Variants in MEAK7 observed in about 807,000 individuals in gnomAD.
The protein encoded by MEAK7 is MTOR associated protein MEAK7.
Under a neutral mutation model 40.5 loss-of-function variants are expected in MEAK7, and 68 were observed. The ratio of observed to expected loss-of-function variants is 1.68; its 90% confidence interval spans 1.38 to 2.06. MEAK7 has a LOEUF of 2.06. MEAK7 is among the 30% of genes most tolerant of loss of function. The pLI is 0.00. For missense variants in MEAK7, 918 were observed against 580.5 expected (o/e 1.58, Z -5.98); for synonymous variants, 338 against 231.9 (o/e 1.46, Z -4.16).
At chr16:84,482,844 G>C (rs1439208709) in intron 5 of MEAK7, 134 bp from the exon 6 acceptor site, 6 of 1,391,982 alleles carry the variant, frequency 4.3e-6, no homozygotes, top group African/African-American at 1.4e-5. Context: ...GGTGTCGGCA[G>C]ATCAGGGTTT....
intron 6 of MEAK7, among the ~76,000 whole-genome samples, chr16:84,481,209 G>A (rs1296793887): frequency 1.3e-5 from 2 of 152,208 alleles, no homozygotes; most frequent in African/African-American, 2.4e-5. Context: ...AGACCCGGAG[G>A]CGGATGCGAA....
intron 5 of MEAK7, 125 bp downstream of exon 5, chr16:84,486,506 C>G (rs1400894637): frequency 1.9e-5 from 27 of 1,452,580 alleles, no homozygotes; most frequent in Admixed American, 1.4e-4. Context: ...ATCGCCCCGA[C>G]TGCGTCTAGA....
intron 3 of MEAK7, 126 bp downstream of exon 3, chr16:84,495,557 A>T: frequency 1.2e-6 from 1 of 847,714 alleles, no homozygotes; most frequent in Non-Finnish European, 1.9e-6. Context: ...AACTCCGATT[A>T]ATTGAAACCC....
rs751666054 is a variant in MEAK7, at chr16:84,487,014, TCA to T, written c.573_574del (p.Cys191Ter). The T allele has an allele frequency of 1.9e-6, 3 of 1,613,878 alleles. No individual in the cohort carries two copies. Among genetic ancestry groups the T allele is most frequent in the Non-Finnish European group, 8.5e-7 (1 of 1,179,962 alleles). On this transcript the variant is annotated stop_gained and frameshift_variant, in exon 5 of 8. Transcript: ENST00000343629. LOFTEE classifies it high-confidence loss of function. ...CACCCAGTCCTCGATCACAGCTCGGTCACAGTCATAGTCCAGCCACTGGGGCC... is the reference window on the plus strand; with the variant it reads ...CACCCAGTCCTCGATCACAGCTCGGTCAGTCATAGTCCAGCCACTGGGGCC...
intron 2 of MEAK7, chr16:84,497,528 G>T: frequency 7.7e-7 from 1 of 1,291,058 alleles, no homozygotes; most frequent in South Asian, 1.2e-5. Context: ...AGGGCAGTCA[G>T]GAGGGACGTG....
Position 84,498,033 on chromosome 16 carries a change from A to G in MEAK7, c.54T>C (p.Pro18=). The change falls in exon 2 of 8, where the codon CCT becomes CCC. Residue 18 remains proline, a synonymous_variant. Transcript: ENST00000343629. The stretch of plus-strand genomic sequence containing the variant: ...ATTGATCAATCTCTGCCTGTTCCTC[A>G]GGAAGAAACTGTGAACAAAAGCTCC... The part of the protein sequence containing the change: ...VGRSFCSQFL[P]EEQAEIDQLF... The G allele has an allele frequency of 6.2e-7, 1 of 1,614,200 alleles. No homozygotes were observed. The highest frequency in any genetic ancestry group is 8.5e-7 in the Non-Finnish European group (1 of 1,180,032).
intron 5 of MEAK7, 129 bp downstream of exon 5, chr16:84,486,502 C>T: frequency 2.8e-6 from 4 of 1,446,122 alleles, no homozygotes; most frequent in Non-Finnish European, 3.6e-6. Context: ...TCCTATCGCC[C>T]CGACTGCGTC....
intron 5 of MEAK7, 61 bp from the exon 6 acceptor site, chr16:84,482,771 G>A (rs1461108744): frequency 6.9e-6 from 11 of 1,599,086 alleles, no homozygotes; most frequent in Non-Finnish European, 8.5e-6. Flanking sequence ...CCACAGGGCC[G>A]GAAATGCCGG....
At position 84,486,823 on chromosome 16, in the gene MEAK7, C is replaced by A. The variant is rs569045588; in HGVS notation, c.766G>T (p.Ala256Ser). The A allele has an allele frequency of 2.9e-5, 47 of 1,614,002 alleles. No homozygotes were observed. The Middle Eastern group carries it at 4.9e-4, about 17-fold the overall frequency. ...LDVLSVMYIN[A>S]QLPREQRHRW... ...TGCCGCTGCTCCCGAGGCAGCTGGG[C>A]GTTGATGTACATGACAGAGAGGACA... Residue 256 changes from alanine to serine, a missense_variant, in exon 5 of 8, where the codon GCC becomes TCC. Physicochemically the swap from Ala to Ser is moderately conservative, Grantham distance 99 (BLOSUM62 1). Coordinates refer to ENST00000343629, the MANE Select transcript of MEAK7 (RefSeq NM_020947.4).
chr16:84,480,482 C>A (rs770419170), intron 7 of MEAK7, 47 bp downstream of exon 7: 1 of 1,529,734 alleles, frequency 6.5e-7, no homozygotes, highest in Non-Finnish European at 8.8e-7. Flanking sequence ...AGAAAGGCCC[C>A]CAGGCTCAAG....
At chr16:84,496,588 C>T (rs1302225153) in intron 2 of MEAK7, among the ~76,000 whole-genome samples, 1 of 152,174 alleles carries the variant, frequency 6.6e-6, no homozygotes, top group East Asian at 1.9e-4. Flanking sequence ...TGAGCCGTAT[C>T]AGTAGTATCA....
intron 1 of MEAK7, chr16:84,504,010 C>T (rs13338047): frequency 0.13 from 123,229 of 985,440 alleles, 8,374 homozygotes; most frequent in African/African-American, 0.25. Context: ...CTTCGAAGTC[C>T]TGTCTGTGTC....
intron 5 of MEAK7, 26 bp downstream of exon 5, chr16:84,486,605 T>C: frequency 6.4e-7 from 1 of 1,568,382 alleles, no homozygotes; most frequent in African/African-American, 1.4e-5. Flanking sequence ...GTGCCACTCG[T>C]CAAGGTTCAG....
At chr16:84,503,844 TCAGAGCTTCTC>T (rs1306002055) in intron 1 of MEAK7, 1 of 803,994 alleles carries the variant, frequency 1.2e-6, no homozygotes, top group East Asian at 1.3e-4. Flanking sequence ...CACCTCCTGC[TCAGAGCTTCTC>T]CAACAGGCTG....
At position 84,476,512 on chromosome 16, in the gene MEAK7, G is replaced by A. The variant is rs1263469581; in HGVS notation, c.*3401C>T. ...CTCAATCCAACAATTCCAATTCTAAGAGTTTATCCCACAGACACCATCACA... is the reference window on the plus strand; with the variant it reads ...CTCAATCCAACAATTCCAATTCTAAAAGTTTATCCCACAGACACCATCACA... On this transcript the variant is annotated 3_prime_UTR_variant, in exon 8 of 8. Transcript: ENST00000343629. 6.6e-6 allele frequency: 1 copy of A among 151,994 alleles called. No homozygotes were observed. The highest frequency in any genetic ancestry group is 6.6e-5 in the Admixed American group (1 of 15,250). 9.4% of individuals were successfully genotyped at this position (151,994 alleles called of 1,614,324 possible).
At chr16:84,494,719 G>A in intron 3 of MEAK7, 1 of 410,000 alleles carries the variant, frequency 2.4e-6, no homozygotes, top group Non-Finnish European at 4.8e-6. Flanking sequence ...TGGTAAAAAT[G>A]AGCTTACCTA....
chr16:84,481,192 C>T (rs930912299), intron 6 of MEAK7, among the ~76,000 whole-genome samples: 3 of 152,196 alleles, frequency 2.0e-5, no homozygotes, highest in Admixed American at 1.3e-4. Context: ...TTACAGGATG[C>T]GGAGGCAGAC....
At chr16:84,484,286 C>T (rs1295419210) in intron 5 of MEAK7, among the ~76,000 whole-genome samples, 1 of 152,196 alleles carries the variant, frequency 6.6e-6, no homozygotes, top group African/African-American at 2.4e-5. Flanking sequence ...AAAAGTGACA[C>T]CAACAACGAG....
intron 4 of MEAK7, 101 bp from the exon 5 acceptor site, chr16:84,487,160 A>C (rs1448658986): frequency 8.2e-6 from 10 of 1,222,500 alleles, no homozygotes; most frequent in Non-Finnish European, 1.1e-6. Context: ...AGTCACATGC[A>C]ATTACTGAGC....
Sources: gnomAD v4.1 joint callset for allele counts (sites outside exome capture counted in the v4.1 genomes callset) on GRCh38, gnomAD v4.1.1 for gene constraint, MANE v1.5 for transcripts, NCBI Gene and HGNC (gene_info 2026-07-23, HGNC 2026-07-21) for gene names.